Variants in ZFP30 observed in about 807,000 individuals in gnomAD.
The protein encoded by ZFP30 is ZFP30 zinc finger protein.
In ZFP30, 16 loss-of-function variants were observed where a neutral mutation model predicts 12.3. The ratio of observed to expected loss-of-function variants is 1.30; its 90% CI spans 0.88 to 1.98. The LOEUF (loss-of-function observed/expected upper bound fraction) is 1.98. Among genes scored for constraint, ZFP30 ranks in the 30% most tolerant of loss-of-function variants. The pLI, the probability that ZFP30 is intolerant of heterozygous loss-of-function variation, is 0.00. For missense variants in ZFP30, 560 were observed against 611.2 expected (o/e 0.92, Z 0.88); for synonymous variants, 172 against 201.0 (o/e 0.86, Z 1.22).
chr19:37,635,452 GAA>G lies in ZFP30; in HGVS notation c.1087_1088del (p.Phe363GlnfsTer16). 2 of 1,613,734 alleles carry G rather than the reference GAA, an allele frequency of 1.2e-6. No homozygotes were observed. The highest frequency in any genetic ancestry group is 1.7e-6 in the Non-Finnish European group (2 of 1,179,910). On this transcript the variant is annotated frameshift_variant, in exon 6 of 6. Coordinates refer to ENST00000684514, the MANE Select transcript of ZFP30 (RefSeq NM_001320669.3). LOFTEE classifies it low-confidence loss of function (END_TRUNC). Reference sequence around the variant, plus strand: ...GGAGAGTTAGATGATAGCCACGACTGAAAGTCTTCCCACATTCCTTACAATCA... The same window carrying G: ...GGAGAGTTAGATGATAGCCACGACTGAGTCTTCCCACATTCCTTACAATCA... ...PYDCKECGKT[F>X]SRGYHLTLHQ...
intron 5 of ZFP30, 52 bp from the exon 6 acceptor site, chr19:37,636,357 A>C: frequency 6.8e-7 from 1 of 1,465,254 alleles, no homozygotes. Context: ...CAAAATAAAC[A>C]AACGAAAACT....
At chr19:37,636,900 AGG>A (rs1270954375) in intron 5 of ZFP30, among the ~76,000 whole-genome samples, 1 of 152,010 alleles carries the variant, frequency 6.6e-6, no homozygotes, top group African/African-American at 2.4e-5. Context: ...TAGTAGAGAC[AGG>A]GTTTCACCAT....
intron 4 of ZFP30, among the ~76,000 whole-genome samples, chr19:37,643,679 A>T (rs2972459): frequency 0.15 from 23,280 of 152,198 alleles, 2,141 homozygotes; most frequent in Non-Finnish European, 0.21. Flanking sequence ...GCGTATATAT[A>T]GCATTGTTGT....
In ZFP30 at chr19:37,644,632, GTT is replaced by G. The variant is rs761880697; in HGVS notation, c.112_113del (p.Asn38LeufsTer2). ...RNLYRDVILE[N>X]YSNLVSLAGC... ...TACCCAGTGACACCAAGTTGCTATA[GTT>G]CTCTAATATCACATCTCTGTACAAA... On this transcript the variant is annotated frameshift_variant, in exon 4 of 6. Coordinates refer to ENST00000684514, the MANE Select transcript of ZFP30 (RefSeq NM_001320669.3). LOFTEE classifies it high-confidence loss of function. The G allele has an allele frequency of 1.9e-6, 3 of 1,608,914 alleles. No individual in the cohort carries two copies. Among genetic ancestry groups the G allele is most frequent in the Non-Finnish European group, 2.5e-6 (3 of 1,178,080 alleles).
chr19:37,650,066 T>C (rs1395443767), intron 2 of ZFP30, among the ~76,000 whole-genome samples: 1 of 152,052 alleles, frequency 6.6e-6, no homozygotes, highest in Non-Finnish European at 1.5e-5. Flanking sequence ...TTGTTACCTT[T>C]ACTTGATGGT....
chr19:37,639,598 A>C (rs1220820519), intron 5 of ZFP30, among the ~76,000 whole-genome samples: 1 of 152,140 alleles, frequency 6.6e-6, no homozygotes, highest in African/African-American at 2.4e-5. Context: ...AAAAACTAAA[A>C]TTAAAAGAAA....
At position 37,634,971 on chromosome 19, in the gene ZFP30, C is replaced by G. The variant is rs2044289690; in HGVS notation, c.*10G>C. ...ACATAAAATTCGCAAAGGAAGAGTT[C>G]TAATAATTATTAAGTTACATTATGA... On this transcript the variant is annotated 3_prime_UTR_variant, in exon 6 of 6. Coordinates refer to ENST00000684514, the MANE Select transcript of ZFP30 (RefSeq NM_001320669.3). 6.5e-7 allele frequency: 1 copy of G among 1,527,660 alleles called. No homozygotes were observed. The highest frequency in any genetic ancestry group is 8.8e-7 in the Non-Finnish European group (1 of 1,141,700). The allele number at this position is 1,527,660 out of a possible 1,614,324, so 94.6% of individuals were successfully genotyped here.
In ZFP30 at chr19:37,645,428, C is replaced by T. The variant is rs554444706; in HGVS notation, c.10-692G>A. Among the ~76,000 whole-genome samples the T allele has an allele frequency of 1.3e-4, 20 of 151,804 alleles. No homozygotes were observed. The East Asian group carries it at 3.7e-3, about 28-fold the overall frequency. On this transcript the variant is annotated intron_variant, in intron 3 of 5. Transcript: ENST00000684514. ...TTCTGTAAAGGGCCAATATTTTAGG[C>T]TTTGTATACCACATATGGTCTCTGT...
chr19:37,644,002 T>G (rs1167060801), intron 4 of ZFP30, among the ~76,000 whole-genome samples: 1 of 152,216 alleles, frequency 6.6e-6, no homozygotes, highest in Non-Finnish European at 1.5e-5. Flanking sequence ...ACCTCTGTCT[T>G]CCTATTCTCA....
In ZFP30 at chr19:37,634,773, T is replaced by C. The variant is rs1234708836; in HGVS notation, c.*208A>G. The C allele has an allele frequency of 6.0e-6, 3 of 502,308 alleles. No individual in the cohort carries two copies. Among genetic ancestry groups the C allele is most frequent in the African/African-American group, 4.0e-5 (2 of 50,244 alleles). 31.1% of individuals were successfully genotyped at this position (502,308 alleles called of 1,614,324 possible). A position where few individuals can be genotyped will look rare whatever the true frequency, so the allele number is the denominator to read the frequency against. On this transcript the variant is annotated 3_prime_UTR_variant, in exon 6 of 6. Transcript: ENST00000684514. Reference sequence around the variant, plus strand: ...TCAGTCCTGTAATAAAGTTCTTTTCTAGGATGAATTTCCTAAAGTTTAACA... The same window carrying C: ...TCAGTCCTGTAATAAAGTTCTTTTCCAGGATGAATTTCCTAAAGTTTAACA...
chr19:37,654,526 T>C (rs1471493408), intron 2 of ZFP30, among the ~76,000 whole-genome samples, 186 bp downstream of exon 2: 1 of 152,168 alleles, frequency 6.6e-6, no homozygotes, highest in Non-Finnish European at 1.5e-5. Flanking sequence ...ACCATGTGTC[T>C]AACTATAGAA....
rs2044273562 is a variant in ZFP30, at chr19:37,633,869, A to G, written c.*1112T>C. ...GTATGAACAAAAGGACATTCCAGAT[A>G]TATCATCTCCTGTGTATAGACTTCA... On this transcript the variant is annotated 3_prime_UTR_variant, in exon 6 of 6. Transcript: ENST00000684514. The G allele has an allele frequency of 6.6e-6, 1 of 152,226 alleles. No individual in the cohort carries two copies. The highest frequency in any genetic ancestry group is 1.5e-5 in the Non-Finnish European group (1 of 68,044). The allele number at this position is 152,226 out of a possible 1,614,324, so 9.4% of individuals were successfully genotyped here. A position where few individuals can be genotyped will look rare whatever the true frequency, so the allele number is the denominator to read the frequency against.
chr19:37,638,486 A>G (rs1039089742), intron 5 of ZFP30, among the ~76,000 whole-genome samples: 1 of 152,362 alleles, frequency 6.6e-6, no homozygotes, highest in African/African-American at 2.4e-5. Flanking sequence ...CTCTTCAAAA[A>G]GGAAAAGGTA....
intron 3 of ZFP30, among the ~76,000 whole-genome samples, chr19:37,647,120 T>C (rs2044558118): frequency 1.3e-5 from 2 of 152,190 alleles, no homozygotes; most frequent in Admixed American, 1.3e-4. Context: ...GAATTACAAT[T>C]ATTTTGGACA....
At chr19:37,638,293 G>A (rs953539448) in intron 5 of ZFP30, among the ~76,000 whole-genome samples, 33 of 152,176 alleles carry the variant, frequency 2.2e-4, no homozygotes, top group Admixed American at 5.2e-4. Flanking sequence ...TATGTTACAG[G>A]TTCCCCGTAT....
chr19:37,631,028 T>G lies in ZFP30; in HGVS notation c.*3953A>C, dbSNP rs1182238529. The G allele has an allele frequency of 2.0e-5, 3 of 152,248 alleles. No individual in the cohort carries two copies. Among genetic ancestry groups the G allele is most frequent in the Admixed American group, 6.5e-5 (1 of 15,284 alleles). 9.4% of individuals were successfully genotyped at this position (152,248 alleles called of 1,614,324 possible). A position where few individuals can be genotyped will look rare whatever the true frequency, so the allele number is the denominator to read the frequency against. ...GTATAGTGTTGATTCAGAAATTTTA[T>G]TTCTGCAGAAAAGCAACAGTTCAAT... On this transcript the variant is annotated 3_prime_UTR_variant, in exon 6 of 6. Transcript: ENST00000684514.
chr19:37,652,844 G>A (rs77525649), intron 2 of ZFP30, among the ~76,000 whole-genome samples: 1 of 151,910 alleles, frequency 6.6e-6, no homozygotes, highest in Non-Finnish European at 1.5e-5. Flanking sequence ...TGGGCCAGGT[G>A]CGGTGGCTCA....
At position 37,635,223 on chromosome 19, in the gene ZFP30, A is replaced by C. The variant is rs767680370; in HGVS notation, c.1318T>G (p.Cys440Gly). The change falls in exon 6 of 6, where the codon TGT becomes GGT. Residue 440 changes from cysteine to glycine, a missense_variant. Physicochemically the swap from Cys to Gly is radical, Grantham distance 159. Transcript: ENST00000684514. ...SIHFGEKPFK[C>G]KECEKTFRLL... Reference sequence around the variant, plus strand: ...CTAAAAGTCTTCTCACATTCCTTACACTTAAAGGGTTTCTCACCAAAATGA... The same window carrying C: ...CTAAAAGTCTTCTCACATTCCTTACCCTTAAAGGGTTTCTCACCAAAATGA... 35 of 1,613,886 alleles carry C rather than the reference A, an allele frequency of 2.2e-5. No homozygotes were observed. Among genetic ancestry groups the C allele is most frequent in the Non-Finnish European group, 3.0e-5 (35 of 1,179,908 alleles).
intron 2 of ZFP30, among the ~76,000 whole-genome samples, chr19:37,652,199 T>G (rs996176408): frequency 6.6e-6 from 1 of 152,174 alleles, no homozygotes; most frequent in African/African-American, 2.4e-5. Context: ...GAGCACTGAA[T>G]TCCTCTTTTA....
Sources: allele counts gnomAD v4.1 joint callset (sites outside exome capture counted in the v4.1 genomes callset), GRCh38; gene constraint gnomAD v4.1.1; transcripts MANE v1.5; gene names NCBI Gene and HGNC (gene_info 2026-07-23, HGNC 2026-07-21).